Variants in FSTL5 observed in about 807,000 individuals in gnomAD.
FSTL5 encodes follistatin-related protein 5.
Under a neutral mutation model 89.1 loss-of-function variants are expected in FSTL5, and 62 were observed. That is an observed-to-expected ratio of 0.70 (90% CI 0.57 to 0.86). FSTL5 has a LOEUF of 0.86. Among genes scored for constraint, FSTL5 ranks in the 40% least tolerant of loss-of-function variants. FSTL5 has a pLI of 0.00. For missense variants in FSTL5, 1,057 were observed against 1,001.6 expected, an observed-to-expected ratio of 1.06 and a Z score of -0.75; for synonymous variants, 383 against 346.2, an observed-to-expected ratio of 1.11 and a Z score of -1.18.
intron 8 of FSTL5, among the ~76,000 whole-genome samples, chr4:161,572,661 T>C (rs780151169): frequency 1.3e-5 from 2 of 152,190 alleles, no homozygotes; most frequent in Non-Finnish European, 2.9e-5. Flanking sequence ...ATAATTTCTA[T>C]AATTTATCTC....
chr4:161,399,777 T>C lies in FSTL5; in HGVS notation c.1842-13328A>G, dbSNP rs28591165. 5.9e-3 allele frequency among the ~76,000 whole-genome samples: 891 copies of C among 152,236 alleles called. 4 individuals are homozygous for C. Among genetic ancestry groups the C allele is most frequent in the African/African-American group, 0.02 (819 of 41,558 alleles). On this transcript the variant is annotated intron_variant, in intron 15 of 15. Coordinates refer to ENST00000306100, the MANE Select transcript of FSTL5 (RefSeq NM_020116.5). Reference sequence around the variant, plus strand: ...GTGGAGTGGAGATGATTGCATTTTATGAGGATACTTGCAACACTTTAGCTC... The same window carrying C: ...GTGGAGTGGAGATGATTGCATTTTACGAGGATACTTGCAACACTTTAGCTC...
intron 6 of FSTL5, among the ~76,000 whole-genome samples, chr4:161,751,553 T>C (rs1359024628): frequency 2.0e-5 from 3 of 152,086 alleles, no homozygotes; most frequent in Non-Finnish European, 4.4e-5. Context: ...TTTGGGAGGC[T>C]CACTTGAAGG....
At chr4:161,482,059 G>A (rs532363974) in intron 12 of FSTL5, among the ~76,000 whole-genome samples, 2 of 152,132 alleles carry the variant, frequency 1.3e-5, no homozygotes, top group African/African-American at 2.4e-5. Context: ...GGTGGCTCAC[G>A]CCTGTAATCC....
At chr4:161,608,477 G>C (rs2126632656) in intron 7 of FSTL5, among the ~76,000 whole-genome samples, 1 of 151,928 alleles carries the variant, frequency 6.6e-6, no homozygotes, top group Admixed American at 6.6e-5. Context: ...TCTTTTTTGG[G>C]GGGAAATAAA....
At chr4:161,985,570 C>T (rs1258552303) in intron 3 of FSTL5, among the ~76,000 whole-genome samples, 1 of 151,854 alleles carries the variant, frequency 6.6e-6, no homozygotes, top group African/African-American at 2.4e-5. Flanking sequence ...AAACTCAATG[C>T]ATACAGTGGA....
At chr4:161,762,855 C>A (rs1434919697) in intron 5 of FSTL5, among the ~76,000 whole-genome samples, 1 of 151,878 alleles carries the variant, frequency 6.6e-6, no homozygotes, top group Non-Finnish European at 1.5e-5. Flanking sequence ...AATCTTGGGC[C>A]CTCCAATGGT....
intron 11 of FSTL5, among the ~76,000 whole-genome samples, chr4:161,509,373 T>G (rs2126498410): frequency 6.6e-6 from 1 of 152,280 alleles, no homozygotes; most frequent in Non-Finnish European, 1.5e-5. Context: ...GTGAATTATG[T>G]ACATTTAAAG....
At chr4:161,536,991 C>A (rs1731641605) in intron 10 of FSTL5, among the ~76,000 whole-genome samples, 1 of 152,044 alleles carries the variant, frequency 6.6e-6, no homozygotes, top group African/African-American at 2.4e-5. Flanking sequence ...CTTATGCAGG[C>A]CATTAAATCC....
At chr4:161,777,310 T>C (rs1443970307) in intron 4 of FSTL5, among the ~76,000 whole-genome samples, 1 of 151,110 alleles carries the variant, frequency 6.6e-6, no homozygotes, top group East Asian at 2.0e-4. Context: ...AACACTTAGG[T>C]TGATTCCATA....
intron 3 of FSTL5, among the ~76,000 whole-genome samples, chr4:162,025,985 T>C (rs914617337): frequency 6.6e-6 from 1 of 151,342 alleles, no homozygotes; most frequent in African/African-American, 2.4e-5. Context: ...TTCTAAAAAA[T>C]CCAAGCAAAT....
At chr4:161,960,849 T>C (rs1735155770) in intron 3 of FSTL5, among the ~76,000 whole-genome samples, 1 of 151,510 alleles carries the variant, frequency 6.6e-6, no homozygotes, top group Admixed American at 6.6e-5. Flanking sequence ...CAGATAGAAA[T>C]AGGAAAAATA....
chr4:161,662,068 T>C (rs954111134), intron 6 of FSTL5, among the ~76,000 whole-genome samples: 1 of 152,186 alleles, frequency 6.6e-6, no homozygotes, highest in Admixed American at 6.5e-5. Context: ...ATGTGGCTTA[T>C]TGTTTTCCAG....
At chr4:162,118,406 C>T (rs139142380) in intron 1 of FSTL5, among the ~76,000 whole-genome samples, 1 of 151,976 alleles carries the variant, frequency 6.6e-6, no homozygotes, top group Admixed American at 6.6e-5. Flanking sequence ...GACTACAGGG[C>T]CCCGCCACCA....
chr4:162,003,531 A>C (rs1736527164), intron 3 of FSTL5, among the ~76,000 whole-genome samples: 1 of 152,196 alleles, frequency 6.6e-6, no homozygotes, highest in Admixed American at 6.5e-5. Flanking sequence ...AAATGAAGGA[A>C]AGAAAGAACA....
intron 3 of FSTL5, among the ~76,000 whole-genome samples, chr4:161,947,726 GT>G (rs1734774811): frequency 6.6e-6 from 1 of 151,894 alleles, no homozygotes; most frequent in African/African-American, 2.4e-5. Flanking sequence ...GAATTTCCAC[GT>G]TTTTTAGAAT....
intron 7 of FSTL5, among the ~76,000 whole-genome samples, chr4:161,627,807 T>C (rs529272444): frequency 3.4e-3 from 516 of 152,270 alleles, no homozygotes; most frequent in Non-Finnish European, 5.6e-3. Context: ...TTTTAGTCTA[T>C]ATATTAAAAA....
At chr4:161,590,313 C>A (rs1733768575) in intron 7 of FSTL5, among the ~76,000 whole-genome samples, 1 of 152,088 alleles carries the variant, frequency 6.6e-6, no homozygotes, top group Admixed American at 6.5e-5. Flanking sequence ...CCAAGGCGGG[C>A]AGATCACCCG....
intron 5 of FSTL5, among the ~76,000 whole-genome samples, chr4:161,763,327 A>C (rs147188555): frequency 6.6e-6 from 1 of 152,342 alleles, no homozygotes; most frequent in Non-Finnish European, 1.5e-5. Context: ...ATATAAAAAT[A>C]AATAAAAATG....
At chr4:161,904,618 T>C (rs187626201) in intron 4 of FSTL5, among the ~76,000 whole-genome samples, 2 of 129,990 alleles carry the variant, frequency 1.5e-5, no homozygotes, top group African/African-American at 2.7e-5. Context: ...ATATTCATAT[T>C]TTTAGAAAAC....
Sources: gnomAD v4.1 joint callset for allele counts (sites outside exome capture counted in the v4.1 genomes callset) on GRCh38, gnomAD v4.1.1 for gene constraint, MANE v1.5 for transcripts, NCBI Gene and HGNC (gene_info 2026-07-23, HGNC 2026-07-21) for gene names.